The following GPAT3 variants were observed in gnomAD, a reference collection of about 807,000 sequenced individuals.
The protein encoded by GPAT3 is 1-AGP acyltransferase 9.
In GPAT3, 53 loss-of-function variants were observed where a neutral mutation model predicts 58.8. The ratio of observed to expected loss-of-function variants is 0.90; its 90% CI spans 0.72 to 1.13. GPAT3 has a LOEUF of 1.13. Among genes scored for constraint, GPAT3 ranks in the 50% most tolerant of loss-of-function variants. GPAT3 has a pLI of 0.00. For synonymous variants in GPAT3, 197 were observed against 187.4 expected (o/e 1.05, Z -0.42); for missense variants, 511 against 527.6 (o/e 0.97, Z 0.31).
At chr4:83,594,804 G>T (rs369331674) in intron 6 of GPAT3, 41 bp from the exon 7 acceptor site, 35 of 1,548,184 alleles carry the variant, frequency 2.3e-5, no homozygotes, top group Non-Finnish European at 2.8e-5. Context: ...TTTGCACAAC[G>T]GTGCCTTTTA....
rs577236960 is a variant in GPAT3, at chr4:83,583,424, C to T, written c.479+1592C>T. Among the ~76,000 whole-genome samples, 5 of 152,170 alleles carry T rather than the reference C, an allele frequency of 3.3e-5. No homozygotes were observed. The South Asian group carries it at 1.0e-3, about 32-fold the overall frequency. On this transcript the variant is annotated intron_variant, in intron 3 of 11. Coordinates refer to ENST00000264409, the MANE Select transcript of GPAT3 (RefSeq NM_032717.5). ...GTGGCTCACACCTGTAATACTAGCACTTTGGGAGGCTGAGGTGGGCAGATC... is the reference window on the plus strand; with the variant it reads ...GTGGCTCACACCTGTAATACTAGCATTTTGGGAGGCTGAGGTGGGCAGATC...
At chr4:83,602,639 T>A (rs1727102368) in intron 11 of GPAT3, among the ~76,000 whole-genome samples, 1 of 152,202 alleles carries the variant, frequency 6.6e-6, no homozygotes, top group Non-Finnish European at 1.5e-5. Flanking sequence ...ACAGTTTAAG[T>A]GCTTAGAGCA....
intron 1 of GPAT3, among the ~76,000 whole-genome samples, chr4:83,541,141 C>T (rs1724288128): frequency 6.6e-6 from 1 of 152,202 alleles, no homozygotes; most frequent in South Asian, 2.1e-4. Flanking sequence ...TTTACTTTCA[C>T]CGGGCATCAA....
At chr4:83,539,806 G>A (rs976426124) in intron 1 of GPAT3, among the ~76,000 whole-genome samples, 1 of 152,172 alleles carries the variant, frequency 6.6e-6, no homozygotes, top group Non-Finnish European at 1.5e-5. Context: ...TGTTGGATAC[G>A]TATGTTAATA....
chr4:83,564,280 C>T (rs1418123453), intron 2 of GPAT3, among the ~76,000 whole-genome samples: 1 of 152,176 alleles, frequency 6.6e-6, no homozygotes, highest in Non-Finnish European at 1.5e-5. Context: ...TCTGATAAAA[C>T]ATTTGAACAT....
chr4:83,581,918 G>C, intron 3 of GPAT3, 86 bp downstream of exon 3: 1 of 1,507,464 alleles, frequency 6.6e-7, no homozygotes, highest in Non-Finnish European at 8.9e-7. Flanking sequence ...TAAGTGTTCT[G>C]TGGTGCTTAT....
At chr4:83,547,508 T>G (rs1362330643) in intron 2 of GPAT3, among the ~76,000 whole-genome samples, 1 of 152,030 alleles carries the variant, frequency 6.6e-6, no homozygotes, top group Non-Finnish European at 1.5e-5. Flanking sequence ...CACCTCGGCC[T>G]CCCAAAGTGC....
At chr4:83,540,778 C>G (rs1578156399) in intron 1 of GPAT3, among the ~76,000 whole-genome samples, 1 of 152,292 alleles carries the variant, frequency 6.6e-6, no homozygotes, top group Non-Finnish European at 1.5e-5. Flanking sequence ...CAACCTCCCC[C>G]TCCCGGATTC....
At chr4:83,598,280 C>T in intron 10 of GPAT3, 101 bp downstream of exon 10, 1 of 1,469,064 alleles carries the variant, frequency 6.8e-7, no homozygotes, top group Non-Finnish European at 9.2e-7. Flanking sequence ...TTTCTGCTTT[C>T]TCAGCAAATG....
At chr4:83,563,931 G>T (rs1725283350) in intron 2 of GPAT3, among the ~76,000 whole-genome samples, 1 of 152,094 alleles carries the variant, frequency 6.6e-6, no homozygotes, top group Non-Finnish European at 1.5e-5. Context: ...GTTGTAAGAA[G>T]TTTCATTATA....
In GPAT3 at chr4:83,565,884, G is replaced by C. The variant is rs1273532265; in HGVS notation, c.209-15678G>C. 3.3e-5 allele frequency among the ~76,000 whole-genome samples: 5 copies of C among 152,220 alleles called. No individual in the cohort carries two copies. In the East Asian group the frequency reaches 9.6e-4, roughly 29 times the overall value. On this transcript the variant is annotated intron_variant, in intron 2 of 11. Coordinates refer to ENST00000264409, the MANE Select transcript of GPAT3 (RefSeq NM_032717.5). ...AATGGGAGGGGTAGGAAGGGATGAA[G>C]AAAAGGATTCATCAGTGAAGGAGAA...
chr4:83,550,926 T>A (rs374181567), intron 2 of GPAT3, among the ~76,000 whole-genome samples: 8 of 152,244 alleles, frequency 5.3e-5, no homozygotes, highest in African/African-American at 1.9e-4. Context: ...AACATAGCTC[T>A]GTAGAAGGCA....
intron 2 of GPAT3, among the ~76,000 whole-genome samples, chr4:83,571,449 T>G (rs111807936): frequency 1.3e-5 from 2 of 152,104 alleles, no homozygotes; most frequent in African/African-American, 2.4e-5. Context: ...TTTTAAAATT[T>G]TAGCCATTTT....
At chr4:83,556,712 G>C (rs952944497) in intron 2 of GPAT3, among the ~76,000 whole-genome samples, 2 of 150,694 alleles carry the variant, frequency 1.3e-5, no homozygotes, top group Non-Finnish European at 2.9e-5. Flanking sequence ...TGATTATTTT[G>C]TAAGTTTTTG....
At chr4:83,588,441 C>T (rs572168161) in intron 5 of GPAT3, 142 bp downstream of exon 5, 2 of 686,220 alleles carry the variant, frequency 2.9e-6, no homozygotes, top group East Asian at 2.6e-5. Flanking sequence ...CAGTGTGGCA[C>T]AGGCATGATG....
chr4:83,574,053 C>G (rs1162910949), intron 2 of GPAT3, among the ~76,000 whole-genome samples: 1 of 152,130 alleles, frequency 6.6e-6, no homozygotes, highest in African/African-American at 2.4e-5. Context: ...CTGTGATCAC[C>G]TGTTTTTAAG....
At chr4:83,571,520 A>C (rs1348661196) in intron 2 of GPAT3, among the ~76,000 whole-genome samples, 1 of 151,790 alleles carries the variant, frequency 6.6e-6, no homozygotes, top group Non-Finnish European at 1.5e-5. Context: ...TATTTTTCTC[A>C]ATGTAAGTAT....
At chr4:83,535,838 C>A (rs745817363), upstream of GPAT3, 98 of 985,488 alleles carry the variant, frequency 9.9e-5, no homozygotes, top group Middle Eastern at 1.0e-3. Context: ...GTTTTACACC[C>A]ACACAAACAA....
At chr4:83,586,867 T>C (rs1726393073) in intron 3 of GPAT3, among the ~76,000 whole-genome samples, 1 of 152,244 alleles carries the variant, frequency 6.6e-6, no homozygotes, top group South Asian at 2.1e-4. Flanking sequence ...GTTCTTATTA[T>C]GAAAGCACCT....
Sources: allele counts gnomAD v4.1 joint callset (sites outside exome capture counted in the v4.1 genomes callset), GRCh38; gene constraint gnomAD v4.1.1; transcripts MANE v1.5; gene names NCBI Gene and HGNC (gene_info 2026-07-23, HGNC 2026-07-21).